The following ASB7 variants were observed in gnomAD, a reference collection of about 807,000 sequenced individuals.
ASB7 encodes the protein ankyrin repeat and SOCS box containing 7.
ASB7 carries 4 observed loss-of-function variants against 32.5 expected under a neutral mutation model. That is an observed-to-expected ratio of 0.12 (90% confidence interval 0.06 to 0.28). The LOEUF (loss-of-function observed/expected upper bound fraction) is 0.28, where lower values mean the gene tolerates loss of function less well. ASB7 is among the 10% of genes least tolerant of loss of function. ASB7 has a pLI of 1.00. For synonymous variants in ASB7, 172 were observed against 155.6 expected, an observed-to-expected ratio of 1.11 and a Z score of -0.78; for missense variants, 181 against 407.1, an observed-to-expected ratio of 0.44 and a Z score of 4.78.
In ASB7 at chr15:100,611,484, C is replaced by CT. The variant is rs61153969; in HGVS notation, c.-51-669dup. ...GGTTAATCACCAGATTGTTTCGATT[C>CT]TTTTTTTTTTTTTGAGACAGAATTT... On this transcript the variant is annotated intron_variant, in intron 3 of 5. Coordinates refer to ENST00000332783, the MANE Select transcript of ASB7 (RefSeq NM_198243.3). 3.0e-4 allele frequency among the ~76,000 whole-genome samples: 23 copies of CT among 77,134 alleles called. 3 individuals carry two copies. Among genetic ancestry groups the CT allele is most frequent in the African/African-American group, 5.4e-4 (11 of 20,438 alleles). 50.6% of individuals were successfully genotyped at this position (77,134 alleles called of 152,430 possible). A position where few individuals can be genotyped will look rare whatever the true frequency, so the allele number is the denominator to read the frequency against.
rs570145055 is a variant in ASB7, at chr15:100,627,727, G to A, written c.212-1710G>A. 3.3e-5 allele frequency among the ~76,000 whole-genome samples: 5 copies of A among 152,346 alleles called. No individual in the cohort carries two copies. In the South Asian group the frequency reaches 1.0e-3, roughly 32 times the overall value. ...AATAAGGATGGTGGCTGAAGGGTGG[G>A]AGAAGTGAAAAGAAGGTATTCTTAA... On this transcript the variant is annotated intron_variant, in intron 4 of 5. Coordinates refer to ENST00000332783, the MANE Select transcript of ASB7 (RefSeq NM_198243.3).
chr15:100,617,435 G>T (rs529382450), intron 4 of ASB7, among the ~76,000 whole-genome samples: 1 of 152,100 alleles, frequency 6.6e-6, no homozygotes, highest in Non-Finnish European at 1.5e-5. Flanking sequence ...AAAGGTTTTG[G>T]CCTGGGACCC....
intron 5 of ASB7, among the ~76,000 whole-genome samples, chr15:100,638,156 T>C (rs1254667311): frequency 2.6e-5 from 4 of 152,186 alleles, no homozygotes; most frequent in Non-Finnish European, 4.4e-5. Flanking sequence ...CCTAGTGATA[T>C]ACATTCCCTA....
At chr15:100,609,950 G>T (rs1239647588) in intron 3 of ASB7, 122 bp downstream of exon 3, 1 of 152,108 alleles carries the variant, frequency 6.6e-6, no homozygotes, top group African/African-American at 2.4e-5. Context: ...GAAAACCCAG[G>T]TTTGTTTTGA....
intron 2 of ASB7, among the ~76,000 whole-genome samples, chr15:100,606,324 T>A (rs2039644670): frequency 6.6e-6 from 1 of 152,272 alleles, no homozygotes. Flanking sequence ...ATCTTGTTGC[T>A]AAGTTTATGT....
At chr15:100,623,651 A>G (rs959648652) in intron 4 of ASB7, among the ~76,000 whole-genome samples, 10 of 152,256 alleles carry the variant, frequency 6.6e-5, no homozygotes, top group African/African-American at 1.9e-4. Flanking sequence ...GTCAATTAGT[A>G]TAACCACTGT....
intron 4 of ASB7, among the ~76,000 whole-genome samples, chr15:100,616,261 T>C (rs1254083130): frequency 1.3e-5 from 2 of 152,200 alleles, no homozygotes; most frequent in African/African-American, 4.8e-5. Context: ...GAATTGTTTA[T>C]ATATTCTCCT....
In ASB7 at chr15:100,651,376, T is replaced by G. The variant is rs1023629659; in HGVS notation, c.*2914T>G. Reference sequence around the variant, plus strand: ...TTGTCAGTCATGCTTGGAACAGCATTTCCACTAGAGAATCCAGCGTTCTGG... The same window carrying G: ...TTGTCAGTCATGCTTGGAACAGCATGTCCACTAGAGAATCCAGCGTTCTGG... On this transcript the variant is annotated 3_prime_UTR_variant, in exon 6 of 6. Coordinates refer to ENST00000332783, the MANE Select transcript of ASB7 (RefSeq NM_198243.3). The G allele has an allele frequency of 6.6e-6, 1 of 152,200 alleles. No homozygotes were observed. The highest frequency in any genetic ancestry group is 2.4e-5 in the African/African-American group (1 of 41,450). 9.4% of individuals were successfully genotyped at this position (152,200 alleles called of 1,614,324 possible).
At chr15:100,614,066 A>C (rs1034259316) in intron 4 of ASB7, among the ~76,000 whole-genome samples, 2 of 152,164 alleles carry the variant, frequency 1.3e-5, no homozygotes, top group Non-Finnish European at 2.9e-5. Flanking sequence ...TGAGGTCAGG[A>C]GTTTGAGACC....
chr15:100,625,926 A>G (rs2039833196), intron 4 of ASB7, among the ~76,000 whole-genome samples: 1 of 152,232 alleles, frequency 6.6e-6, no homozygotes, highest in Admixed American at 6.5e-5. Flanking sequence ...GAGTCCTTTT[A>G]ACAAATTGTG....
At chr15:100,612,626 G>A (rs1279892698) in intron 4 of ASB7, 199 bp downstream of exon 4, 3 of 605,904 alleles carry the variant, frequency 5.0e-6, no homozygotes, top group Non-Finnish European at 8.6e-6. Flanking sequence ...TTTATGAATG[G>A]ATTCTTTTCC....
chr15:100,611,481 A>ATTTTTTTTTTTTTTTTTTTT (rs1188398570), intron 3 of ASB7, among the ~76,000 whole-genome samples: 31 of 13,260 alleles, frequency 2.3e-3, no homozygotes, highest in East Asian at 8.1e-3. Context: ...GATTGTTTCG[A>ATTTTTTTTTTTTTTTTTTTT]TTCTTTTTTT....
rs1377199413 is a variant in ASB7 at position 100,649,569 on chromosome 15, T to G, written c.*1107T>G. The stretch of plus-strand genomic sequence containing the variant: ...GTAAAATCTTTAAGGGGTACACATT[T>G]ATAAGTCTGGCTAATTTCTAATATG... On this transcript the variant is annotated 3_prime_UTR_variant, in exon 6 of 6. Transcript: ENST00000332783. 6.6e-6 allele frequency: 1 copy of G among 152,224 alleles called. No individual in the cohort carries two copies. Among genetic ancestry groups the G allele is most frequent in the African/African-American group, 2.4e-5 (1 of 41,462 alleles). 9.4% of individuals were successfully genotyped at this position (152,224 alleles called of 1,614,324 possible).
intron 5 of ASB7, among the ~76,000 whole-genome samples, chr15:100,639,421 A>G (rs2039946403): frequency 6.6e-6 from 1 of 152,208 alleles, no homozygotes; most frequent in Admixed American, 6.5e-5. Flanking sequence ...ATAAGGAGTA[A>G]GAAAGATCAC....
intron 5 of ASB7, among the ~76,000 whole-genome samples, chr15:100,637,231 G>C (rs918721511): frequency 1.3e-5 from 2 of 152,180 alleles, no homozygotes; most frequent in Non-Finnish European, 1.5e-5. Context: ...ATCTTTACTG[G>C]AAAGAGTAGA....
At position 100,648,666 on chromosome 15, in the gene ASB7, G is replaced by A. The variant is rs929229000; in HGVS notation, c.*204G>A. Reference sequence around the variant, plus strand: ...ATATATATAAAAACACACACCACATGCTTGAAGGTCTTAATTTGGTTTCTT... The same window carrying A: ...ATATATATAAAAACACACACCACATACTTGAAGGTCTTAATTTGGTTTCTT... On this transcript the variant is annotated 3_prime_UTR_variant, in exon 6 of 6. Transcript: ENST00000332783. 7 of 425,030 alleles carry A rather than the reference G, an allele frequency of 1.6e-5. No homozygotes were observed. The highest frequency in any genetic ancestry group is 4.3e-5 in the Admixed American group (1 of 23,216). The allele number at this position is 425,030 out of a possible 1,614,324, so 26.3% of individuals were successfully genotyped here. A position where few individuals can be genotyped will look rare whatever the true frequency, so the allele number is the denominator to read the frequency against.
rs2040025881 is a variant in ASB7, at chr15:100,650,673, G to A, written c.*2211G>A. On this transcript the variant is annotated 3_prime_UTR_variant, in exon 6 of 6. Coordinates refer to ENST00000332783, the MANE Select transcript of ASB7 (RefSeq NM_198243.3). ...TAAGGTAAATTCTTTGTTCTGTATT[G>A]CTGCTGTGACTTCAGAAAAAAAAAA... 6.6e-6 allele frequency: 1 copy of A among 152,008 alleles called. No homozygotes were observed. Among genetic ancestry groups the A allele is most frequent in the African/African-American group, 2.4e-5 (1 of 41,374 alleles). 9.4% of individuals were successfully genotyped at this position (152,008 alleles called of 1,614,324 possible).
intron 3 of ASB7, among the ~76,000 whole-genome samples, chr15:100,610,489 C>T (rs1376300848): frequency 9.3e-5 from 12 of 129,688 alleles, no homozygotes; most frequent in Non-Finnish European, 1.1e-4. Context: ...AGCAAGACTC[C>T]GTCTCAAAAA....
intron 5 of ASB7, among the ~76,000 whole-genome samples, chr15:100,632,337 G>T (rs2141401677): frequency 6.6e-6 from 1 of 152,316 alleles, no homozygotes; most frequent in South Asian, 2.1e-4. Context: ...GGCTCCAGTT[G>T]TCCTTTGTCT....
Sources: gnomAD v4.1 joint callset for allele counts (sites outside exome capture counted in the v4.1 genomes callset) on GRCh38, gnomAD v4.1.1 for gene constraint, MANE v1.5 for transcripts, NCBI Gene and HGNC (gene_info 2026-07-23, HGNC 2026-07-21) for gene names.